The following KMT2C variants were observed in gnomAD, a reference collection of about 807,000 sequenced individuals.
KMT2C encodes lysine methyltransferase 2C, also known as histone-lysine N-methyltransferase 2C.
In KMT2C, 88 loss-of-function variants were observed where a neutral mutation model predicts 507.9. That is an observed-to-expected ratio of 0.17 (90% CI 0.15 to 0.21). The LOEUF (loss-of-function observed/expected upper bound fraction) is 0.21. Among genes scored for constraint, KMT2C ranks in the 10% least tolerant of loss-of-function variants. The pLI is 1.00. For synonymous variants in KMT2C, 2,049 were observed against 2,080.8 expected (o/e 0.98, Z 0.42); for missense variants, 4,954 against 5,957.8 (o/e 0.83, Z 5.55).
intron 6 of KMT2C, among the ~76,000 whole-genome samples, chr7:152,282,905 TA>T (rs1387109149): frequency 2.0e-5 from 3 of 152,120 alleles, no homozygotes; most frequent in Non-Finnish European, 2.9e-5. Flanking sequence ...GAATTTTAGA[TA>T]AAAACTCAAC....
chr7:152,334,688 A>G (rs1222810367), intron 2 of KMT2C, among the ~76,000 whole-genome samples: 1 of 152,132 alleles, frequency 6.6e-6, no homozygotes, highest in Non-Finnish European at 1.5e-5. Context: ...CCTTTCCTAC[A>G]GACTGGAATG....
chr7:152,397,675 G>A (rs2097545348), intron 1 of KMT2C, among the ~76,000 whole-genome samples: 1 of 152,144 alleles, frequency 6.6e-6, no homozygotes, highest in African/African-American at 2.4e-5. Context: ...CCCACGTGTT[G>A]TGGAATGGAC....
At chr7:152,305,136 T>C (rs2096604104) in intron 6 of KMT2C, among the ~76,000 whole-genome samples, 1 of 152,062 alleles carries the variant, frequency 6.6e-6, no homozygotes, top group Non-Finnish European at 1.5e-5. Context: ...AAATATTCAC[T>C]GAGGAATAAC....
intron 1 of KMT2C, among the ~76,000 whole-genome samples, chr7:152,434,171 T>TA (rs1339920709): frequency 6.6e-6 from 1 of 152,240 alleles, no homozygotes; most frequent in East Asian, 1.9e-4. Flanking sequence ...AAGGGCATTT[T>TA]ATACTTGCCA....
chr7:152,154,151 A>C lies in KMT2C; in HGVS notation c.12140-5T>G. Reference sequence around the variant, plus strand: ...CATTCCTTCTTGATTCTGAACCTTTAAAAAGAGAGAAAAAAAAGAGGAAAA... The same window carrying C: ...CATTCCTTCTTGATTCTGAACCTTTCAAAAGAGAGAAAAAAAAGAGGAAAA... On this transcript the variant is annotated splice_region_variant and splice_polypyrimidine_tract_variant and intron_variant, in intron 47 of 58. Coordinates refer to ENST00000262189, the MANE Select transcript of KMT2C (RefSeq NM_170606.3). 6.2e-7 allele frequency: 1 copy of C among 1,612,588 alleles called. No homozygotes were observed. The highest frequency in any genetic ancestry group is 8.5e-7 in the Non-Finnish European group (1 of 1,179,592).
chr7:152,171,160 C>T (rs2092944853), intron 40 of KMT2C, 104 bp downstream of exon 40: 3 of 641,726 alleles, frequency 4.7e-6, no homozygotes, highest in Non-Finnish European at 7.5e-6. Flanking sequence ...TACTTCTGCA[C>T]AAACCTAGTA....
At chr7:152,139,440 G>A (rs1215342631) in intron 56 of KMT2C, among the ~76,000 whole-genome samples, 181 bp from the exon 57 acceptor site, 2 of 152,236 alleles carry the variant, frequency 1.3e-5, no homozygotes, top group Non-Finnish European at 1.5e-5. Context: ...CATGGAATCA[G>A]TAGGTTGTGT....
chr7:152,198,446 T>G (rs2094030400), intron 27 of KMT2C, among the ~76,000 whole-genome samples: 1 of 152,168 alleles, frequency 6.6e-6, no homozygotes. Context: ...TAAAATTAAC[T>G]GAGTAACAAA....
intron 1 of KMT2C, among the ~76,000 whole-genome samples, chr7:152,384,324 C>CAG (rs1421989129): frequency 6.6e-6 from 1 of 152,188 alleles, no homozygotes; most frequent in Non-Finnish European, 1.5e-5. Context: ...TTGACTCTCT[C>CAG]GCACCAAGCT....
chr7:152,210,173 T>TC (rs1444808087), intron 23 of KMT2C, among the ~76,000 whole-genome samples: 1 of 152,096 alleles, frequency 6.6e-6, no homozygotes, highest in Non-Finnish European at 1.5e-5. Flanking sequence ...ATCTCTAGCC[T>TC]CCAAGTATGA....
At chr7:152,370,279 T>C (rs752573005) in intron 1 of KMT2C, among the ~76,000 whole-genome samples, 1 of 151,804 alleles carries the variant, frequency 6.6e-6, no homozygotes, top group Non-Finnish European at 1.5e-5. Context: ...ATGGACCAAT[T>C]CATAGGAAAT....
rs866484094 is a variant in KMT2C at position 152,249,324 on chromosome 7, T to G, written c.1813+552A>C. Among the ~76,000 whole-genome samples, 1,272 of 135,068 alleles carry G rather than the reference T, an allele frequency of 9.4e-3. 18 individuals carry two copies. Among genetic ancestry groups the G allele is most frequent in the African/African-American group, 0.036 (1,223 of 33,748 alleles). 88.6% of individuals were successfully genotyped at this position (135,068 alleles called of 152,430 possible). A position where few individuals can be genotyped will look rare whatever the true frequency, so the allele number is the denominator to read the frequency against. On this transcript the variant is annotated intron_variant, in intron 13 of 58. Coordinates refer to ENST00000262189, the MANE Select transcript of KMT2C (RefSeq NM_170606.3). The stretch of plus-strand genomic sequence containing the variant: ...TCAGTGACTAAAATTTATCTGGTTT[T>G]TTTTTTTTTTTTTTTTTGAAACAGG...
intron 1 of KMT2C, among the ~76,000 whole-genome samples, chr7:152,390,013 A>G (rs905269405): frequency 3.9e-5 from 6 of 152,250 alleles, no homozygotes; most frequent in African/African-American, 1.4e-4. Context: ...CTAAACAATG[A>G]GTACATGTGA....
chr7:152,401,488 A>G (rs1014495462), intron 1 of KMT2C, among the ~76,000 whole-genome samples: 1 of 151,512 alleles, frequency 6.6e-6, no homozygotes, highest in Non-Finnish European at 1.5e-5. Flanking sequence ...GTCAGGAGTT[A>G]AAGACCAGCC....
intron 16 of KMT2C, among the ~76,000 whole-genome samples, chr7:152,235,497 TCATAA>T (rs1344541432): frequency 5.9e-5 from 9 of 152,060 alleles, no homozygotes; most frequent in African/African-American, 2.2e-4. Context: ...AAATAAAGCC[TCATAA>T]CATGATAGTA....
At chr7:152,351,519 AGT>A (rs1161283823) in intron 2 of KMT2C, among the ~76,000 whole-genome samples, 2 of 152,222 alleles carry the variant, frequency 1.3e-5, no homozygotes, top group Non-Finnish European at 2.9e-5. Flanking sequence ...TGACTGTACT[AGT>A]ATATGACTAA....
chr7:152,234,080 A>C (rs1022022436), intron 16 of KMT2C, among the ~76,000 whole-genome samples: 2 of 152,072 alleles, frequency 1.3e-5, no homozygotes, highest in Non-Finnish European at 2.9e-5. Context: ...GGCTGTAGTG[A>C]GCAGAGATCA....
intron 1 of KMT2C, among the ~76,000 whole-genome samples, chr7:152,416,881 C>G (rs1242603887): frequency 6.7e-6 from 1 of 149,636 alleles, no homozygotes; most frequent in Non-Finnish European, 1.5e-5. Flanking sequence ...TAAACCTTGT[C>G]TCTACTAAAA....
rs1337613338 is a variant in KMT2C at position 152,401,447 on chromosome 7, T to C, written c.161+34179A>G. ...GGCTCACACCTGTAATCCCAGCACT[T>C]TGAGAGGCCGAGGCAAGTGGATCAG... On this transcript the variant is annotated intron_variant, in intron 1 of 58. Transcript: ENST00000262189. Among the ~76,000 whole-genome samples the C allele has an allele frequency of 1.7e-4, 26 of 151,094 alleles. 1 individual carries two copies. The highest frequency in any genetic ancestry group is 4.4e-5 in the Non-Finnish European group (3 of 67,744).
Sources: gnomAD v4.1 joint callset for allele counts (sites outside exome capture counted in the v4.1 genomes callset) on GRCh38, gnomAD v4.1.1 for gene constraint, MANE v1.5 for transcripts, NCBI Gene and HGNC (gene_info 2026-07-23, HGNC 2026-07-21) for gene names.